Variants in CDH12 observed in about 807,000 individuals in gnomAD.
The protein encoded by CDH12 is cadherin-12.
CDH12 carries 41 observed loss-of-function variants against 74.1 expected under a neutral mutation model. The observed-to-expected ratio is 0.55, with a 90% CI of 0.43 to 0.72. The LOEUF (loss-of-function observed/expected upper bound fraction) is 0.72. Ranked by LOEUF, CDH12 falls within the 30% of genes least tolerant of loss-of-function variation. CDH12 has a pLI of 0.00. For synonymous variants in CDH12, 399 were observed against 355.0 expected (o/e 1.12, Z -1.39); for missense variants, 945 against 977.2 (o/e 0.97, Z 0.44).
intron 6 of CDH12, among the ~76,000 whole-genome samples, chr5:21,911,360 T>C (rs919439784): frequency 6.6e-6 from 1 of 152,164 alleles, no homozygotes; most frequent in African/African-American, 2.4e-5. Context: ...ATTCTTACCA[T>C]TATTGATCAT....
intron 3 of CDH12, among the ~76,000 whole-genome samples, chr5:22,289,760 A>C (rs1390784474): frequency 6.6e-6 from 1 of 152,046 alleles, no homozygotes; most frequent in Non-Finnish European, 1.5e-5. Context: ...TTCTTGGGGG[A>C]AAGAGAGGGA....
At chr5:22,665,910 C>G (rs1177853864) in intron 1 of CDH12, among the ~76,000 whole-genome samples, 1 of 151,980 alleles carries the variant, frequency 6.6e-6, no homozygotes, top group Non-Finnish European at 1.5e-5. Context: ...AATGTTGAAG[C>G]TATTTCTTTT....
chr5:22,379,808 T>G (rs1360463071), intron 3 of CDH12, among the ~76,000 whole-genome samples: 1 of 152,180 alleles, frequency 6.6e-6, no homozygotes, highest in Non-Finnish European at 1.5e-5. Flanking sequence ...TTGGCCAGAG[T>G]GCAAAGGTTT....
At chr5:22,211,093 G>T (rs1751507640) in intron 4 of CDH12, among the ~76,000 whole-genome samples, 1 of 152,134 alleles carries the variant, frequency 6.6e-6, no homozygotes, top group South Asian at 2.1e-4. Flanking sequence ...AGCCTGAAAA[G>T]CTCTCCAGAG....
intron 6 of CDH12, among the ~76,000 whole-genome samples, chr5:21,897,874 G>T (rs1753196658): frequency 6.6e-6 from 1 of 152,112 alleles, no homozygotes; most frequent in South Asian, 2.1e-4. Context: ...AATTTTAAAG[G>T]CTTCTACACT....
chr5:21,817,049 G>T lies in CDH12; in HGVS notation c.898C>A (p.Gln300Lys). The stretch of plus-strand genomic sequence containing the variant: ...ATATTGTATTCAATTTCTGCATTTT[G>T]TCCAAAATCAGGATCCACAGCTCTT... ...RIRAVDPDFGQNAEIEYNIVP... is the reference protein window; with the variant it reads ...RIRAVDPDFGKNAEIEYNIVP... Residue 300 changes from glutamine (Q) to lysine (K), a missense_variant, in exon 9 of 15, where the codon CAA becomes AAA. Gln to Lys is a moderately conservative substitution (Grantham distance 53). This residue lies in a region of CDH12 where 791 missense variants were observed against 792.8 expected (regional missense o/e 1.00). Coordinates refer to ENST00000382254, the MANE Select transcript of CDH12 (RefSeq NM_004061.5). 1 of 1,612,570 alleles carries T rather than the reference G, an allele frequency of 6.2e-7. No individual in the cohort carries two copies. The highest frequency in any genetic ancestry group is 1.1e-5 in the South Asian group (1 of 91,030).
intron 5 of CDH12, among the ~76,000 whole-genome samples, chr5:21,994,382 G>A (rs891913579): frequency 1.3e-5 from 2 of 151,978 alleles, no homozygotes; most frequent in Non-Finnish European, 2.9e-5. Context: ...CACATACAAT[G>A]TACTCATCAG....
chr5:22,478,282 GT>G (rs1235991493), intron 2 of CDH12, among the ~76,000 whole-genome samples: 32 of 151,756 alleles, frequency 2.1e-4, no homozygotes, highest in African/African-American at 3.4e-4. Flanking sequence ...GCCGGGCGAG[GT>G]GGCGGGCGCC....
At chr5:22,769,647 A>G (rs1746705335) in intron 1 of CDH12, among the ~76,000 whole-genome samples, 1 of 152,064 alleles carries the variant, frequency 6.6e-6, no homozygotes, top group Non-Finnish European at 1.5e-5. Flanking sequence ...TCTCTCTGGA[A>G]ACCCCTAATA....
At chr5:22,039,155 C>T (rs1353973261) in intron 5 of CDH12, among the ~76,000 whole-genome samples, 2 of 152,086 alleles carry the variant, frequency 1.3e-5, no homozygotes, top group Non-Finnish European at 2.9e-5. Flanking sequence ...ACATGGGAGC[C>T]TGGTTATCCA....
Position 22,069,233 on chromosome 5 carries a change from T to C in CDH12, c.231+9213A>G, listed in dbSNP as rs115188985. Among the ~76,000 whole-genome samples, 1,089 of 152,204 alleles carry C rather than the reference T, an allele frequency of 7.2e-3. 5 individuals are homozygous for C. The highest frequency in any genetic ancestry group is 0.025 in the African/African-American group (1,048 of 41,542). On this transcript the variant is annotated intron_variant, in intron 5 of 14. Coordinates refer to ENST00000382254, the MANE Select transcript of CDH12 (RefSeq NM_004061.5). ...ATGAACCCATGCTCATGGAATTCAT[T>C]GGTTTTGCCATGTTTCCCACCAGTC...
intron 1 of CDH12, among the ~76,000 whole-genome samples, chr5:22,702,485 G>A (rs927748369): frequency 5.3e-5 from 8 of 151,970 alleles, no homozygotes; most frequent in Non-Finnish European, 1.0e-4. Flanking sequence ...ACATACAGTC[G>A]TTCAATGTCC....
intron 4 of CDH12, among the ~76,000 whole-genome samples, chr5:22,206,064 A>T (rs1020731476): frequency 6.6e-6 from 1 of 152,054 alleles, no homozygotes; most frequent in Admixed American, 6.6e-5. Context: ...CTGAGATGGG[A>T]AAAGCTTCTC....
At chr5:22,206,942 A>G (rs7708260) in intron 4 of CDH12, among the ~76,000 whole-genome samples, 149,858 of 150,766 alleles carry the variant, frequency 0.99, 74,491 homozygotes, top group Middle Eastern at 1. Context: ...GGTCCGGCGT[A>G]TTGGCTCACA....
chr5:22,679,752 T>C (rs963128077), intron 1 of CDH12, among the ~76,000 whole-genome samples: 1 of 152,148 alleles, frequency 6.6e-6, no homozygotes, highest in Non-Finnish European at 1.5e-5. Flanking sequence ...GGGAATTTAT[T>C]ATGTACATGC....
chr5:22,120,295 A>G (rs573473670), intron 4 of CDH12, among the ~76,000 whole-genome samples: 1 of 152,258 alleles, frequency 6.6e-6, no homozygotes, highest in African/African-American at 2.4e-5. Context: ...CAGTAATACC[A>G]GGACAGAAAA....
At chr5:22,150,752 T>C (rs1289219065) in intron 4 of CDH12, among the ~76,000 whole-genome samples, 2 of 152,148 alleles carry the variant, frequency 1.3e-5, no homozygotes, top group South Asian at 2.1e-4. Context: ...AGACCTGTGC[T>C]TAGATATTCT....
intron 4 of CDH12, among the ~76,000 whole-genome samples, chr5:22,189,791 G>A (rs185472215): frequency 0.056 from 8,572 of 152,062 alleles, 266 homozygotes; most frequent in Non-Finnish European, 0.063. Flanking sequence ...ACATGCAATG[G>A]CTTGAGATCT....
intron 2 of CDH12, among the ~76,000 whole-genome samples, chr5:22,417,241 T>C (rs560329831): frequency 4.6e-5 from 7 of 152,352 alleles, no homozygotes; most frequent in African/African-American, 9.6e-5. Context: ...ATGGTTTCAA[T>C]GGGTCCACTA....
Sources: gnomAD v4.1 joint callset for allele counts (sites outside exome capture counted in the v4.1 genomes callset) on GRCh38, gnomAD v4.1.1 for gene constraint, gnomAD v4.1.1 regional missense constraint, MANE v1.5 for transcripts, NCBI Gene and HGNC (gene_info 2026-07-23, HGNC 2026-07-21) for gene names.